The following SLCO1C1 variants were observed in gnomAD, a reference collection of about 807,000 sequenced individuals.
SLCO1C1 encodes the protein OAT-RP-5.
A neutral mutation model predicts 76.4 loss-of-function variants in SLCO1C1; 70 were observed. The ratio of observed to expected loss-of-function variants is 0.92; its 90% CI spans 0.76 to 1.12. The LOEUF is 1.12. SLCO1C1 is among the 50% of genes most tolerant of loss of function. The pLI is 0.00. For synonymous variants in SLCO1C1, 306 were observed against 286.1 expected (o/e 1.07, Z -0.70); for missense variants, 912 against 823.8 (o/e 1.11, Z -1.31).
chr12:20,751,928 A>G (rs772093934), intron 14 of SLCO1C1, among the ~76,000 whole-genome samples: 2 of 152,152 alleles, frequency 1.3e-5, no homozygotes, highest in Non-Finnish European at 2.9e-5. Context: ...GGGTAGCCAC[A>G]TAATTTATCA....
chr12:20,701,561 ATTC>A, intron 3 of SLCO1C1, 102 bp downstream of exon 3: 3 of 837,572 alleles, frequency 3.6e-6, no homozygotes, highest in Non-Finnish European at 4.9e-6. Flanking sequence ...ATCAGACTCT[ATTC>A]ATAAAATCTT....
chr12:20,740,376 C>G lies in SLCO1C1; in HGVS notation c.1733+8C>G. 4 of 1,598,050 alleles carry G rather than the reference C, an allele frequency of 2.5e-6. No individual in the cohort carries two copies. Among genetic ancestry groups the G allele is most frequent in the Non-Finnish European group, 3.4e-6 (4 of 1,173,690 alleles). ...ATACATATTACTTCTGAGGTGAGTA[C>G]TGATTCTCCCTATTCTAATTTTAAC... On this transcript the variant is annotated splice_region_variant and intron_variant, in intron 12 of 14. Coordinates refer to ENST00000266509, the MANE Select transcript of SLCO1C1 (RefSeq NM_017435.5).
chr12:20,743,391 A>G (rs1356446401), intron 13 of SLCO1C1, 22 bp downstream of exon 13: 1 of 1,580,796 alleles, frequency 6.3e-7, no homozygotes, highest in Non-Finnish European at 8.7e-7. Flanking sequence ...CTATGCTTTA[A>G]TTTATGGTAG....
chr12:20,709,253 A>G (rs545675967), intron 4 of SLCO1C1, among the ~76,000 whole-genome samples: 1 of 152,354 alleles, frequency 6.6e-6, no homozygotes, highest in Non-Finnish European at 1.5e-5. Flanking sequence ...GGTACAGACC[A>G]CATCCATAGC....
chr12:20,742,975 A>C (rs1948889997), intron 12 of SLCO1C1, among the ~76,000 whole-genome samples: 1 of 152,154 alleles, frequency 6.6e-6, no homozygotes, highest in Non-Finnish European at 1.5e-5. Flanking sequence ...TTGCTTAAAA[A>C]TTCTAACAAT....
chr12:20,723,302 G>A (rs763417078), intron 9 of SLCO1C1, 48 bp downstream of exon 9: 3 of 1,566,666 alleles, frequency 1.9e-6, no homozygotes, highest in African/African-American at 2.8e-5. Flanking sequence ...TGTCTTAGAG[G>A]TACCTGATTA....
At chr12:20,701,216 T>G in intron 2 of SLCO1C1, 102 bp from the exon 3 acceptor site, 11 of 1,140,986 alleles carry the variant, frequency 9.6e-6, no homozygotes, top group Non-Finnish European at 1.3e-5. Context: ...ATATTATACA[T>G]TGTTCTTTGT....
intron 4 of SLCO1C1, among the ~76,000 whole-genome samples, chr12:20,710,238 C>G (rs1434883069): frequency 4.3e-5 from 5 of 117,528 alleles, no homozygotes; most frequent in African/African-American, 7.7e-5. Context: ...GATGGAGTCT[C>G]GCTCTGTCGC....
intron 10 of SLCO1C1, among the ~76,000 whole-genome samples, chr12:20,733,488 C>T (rs1388605515): frequency 6.6e-6 from 1 of 152,124 alleles, no homozygotes; most frequent in Non-Finnish European, 1.5e-5. Flanking sequence ...GTAATAACTA[C>T]CTTTTAAACT....
intron 7 of SLCO1C1, among the ~76,000 whole-genome samples, chr12:20,718,967 A>G (rs769661385): frequency 1.3e-5 from 2 of 152,132 alleles, no homozygotes; most frequent in African/African-American, 2.4e-5. Flanking sequence ...CAGATACTAT[A>G]TATTTTTTAA....
intron 9 of SLCO1C1, among the ~76,000 whole-genome samples, chr12:20,732,117 T>C (rs551251689): frequency 6.6e-6 from 1 of 152,282 alleles, no homozygotes; most frequent in African/African-American, 2.4e-5. Flanking sequence ...AGCTCACAGT[T>C]ATTAGATTAC....
chr12:20,717,015 G>A lies in SLCO1C1; in HGVS notation c.677-117G>A, dbSNP rs1380328512. ...TAAAGTTAACTAAACACATGCAAAT[G>A]AGTTAAAACATTTTGAGCTACTGAC... On this transcript the variant is annotated intron_variant, in intron 6 of 14. Transcript: ENST00000266509. The A allele has an allele frequency of 8.5e-6, 7 of 821,656 alleles. No individual in the cohort carries two copies. The Admixed American group carries it at 2.0e-4, about 23-fold the overall frequency. 50.9% of individuals were successfully genotyped at this position (821,656 alleles called of 1,614,324 possible).
At chr12:20,750,856 T>C (rs1949268899) in intron 14 of SLCO1C1, 64 bp downstream of exon 14, 1 of 1,613,824 alleles carries the variant, frequency 6.2e-7, no homozygotes, top group Non-Finnish European at 8.5e-7. Flanking sequence ...ACAATGCCAC[T>C]GACACTAACA....
chr12:20,715,190 ATCT>A lies in SLCO1C1; in HGVS notation c.587_589del (p.Leu196del), dbSNP rs780598470. The A allele has an allele frequency of 3.3e-5, 54 of 1,613,880 alleles. No homozygotes were observed. The highest frequency in any genetic ancestry group is 4.3e-5 in the Non-Finnish European group (51 of 1,179,944). On this transcript the variant is annotated inframe_deletion, in exon 6 of 15. Transcript: ENST00000266509. ...ATGTGGATTTATGTTTTCCTGGGCA[ATCT>A]TCTTCGTGGAATAGGAGAAACTCCC... is the stretch of plus-strand genomic sequence containing the variant.
At position 20,751,913 on chromosome 12, in the gene SLCO1C1, G is replaced by A. The variant is rs1655660621; in HGVS notation, c.1917-393G>A. 2.0e-5 allele frequency among the ~76,000 whole-genome samples: 3 copies of A among 152,144 alleles called. No homozygotes were observed. In the South Asian group the frequency reaches 6.2e-4, roughly 31 times the overall value. ...AGAAATGAAGTTGGGAAAGGTCTGA[G>A]GATAGGGTAGCCACATAATTTATCA... is the stretch of plus-strand genomic sequence containing the variant. On this transcript the variant is annotated intron_variant, in intron 14 of 14. Transcript: ENST00000266509.
chr12:20,742,352 T>C (rs1277812977), intron 12 of SLCO1C1, among the ~76,000 whole-genome samples: 1 of 151,574 alleles, frequency 6.6e-6, no homozygotes, highest in Non-Finnish European at 1.5e-5. Flanking sequence ...TTTTTGCCTC[T>C]TTTAAAGCAG....
intron 13 of SLCO1C1, among the ~76,000 whole-genome samples, chr12:20,745,769 G>A (rs965698456): frequency 4.0e-5 from 6 of 151,546 alleles, no homozygotes; most frequent in African/African-American, 1.5e-4. Flanking sequence ...AGGTTGCAGT[G>A]AGCTGAGATC....
At chr12:20,698,964 G>T (rs1370157340) in intron 1 of SLCO1C1, among the ~76,000 whole-genome samples, 1 of 151,936 alleles carries the variant, frequency 6.6e-6, no homozygotes, top group East Asian at 1.9e-4. Flanking sequence ...TCTTTCACCT[G>T]AATTAAATCT....
chr12:20,716,737 CATTTG>C (rs144805030), intron 6 of SLCO1C1, among the ~76,000 whole-genome samples: 4,911 of 152,200 alleles, frequency 0.032, 99 homozygotes, highest in Middle Eastern at 0.044. Flanking sequence ...GGTAGAAATC[CATTTG>C]AATGTCAAAA....
Sources: allele counts gnomAD v4.1 joint callset (sites outside exome capture counted in the v4.1 genomes callset), GRCh38; gene constraint gnomAD v4.1.1; transcripts MANE v1.5; gene names NCBI Gene and HGNC (gene_info 2026-07-23, HGNC 2026-07-21).